TTN: variants seen among roughly 807,000 people sequenced by gnomAD.
The protein encoded by TTN is titin, also known as connectin.
In TTN, 1,525 loss-of-function variants were observed where a neutral mutation model predicts 3,223.0. That is an observed-to-expected ratio of 0.47 (90% confidence interval 0.45 to 0.49). TTN has a LOEUF of 0.49. TTN is among the 20% of genes least tolerant of loss of function. TTN has a pLI of 0.00. For synonymous variants in TTN, 14,094 were observed against 15,161.0 expected, an observed-to-expected ratio of 0.93 and a Z score of 5.17; for missense variants, 40,786 against 43,424.0, an observed-to-expected ratio of 0.94 and a Z score of 5.40.
At position 178,576,331 on chromosome 2, in the gene TTN, A is replaced by G. The variant is rs1255198382; in HGVS notation, c.69801T>C (p.Asp23267=). ...ASLAWGKPHY[D]GGLEITGYVV... ...CATAGCCAGTGATTTCAAGTCCACC[A>G]TCATAATGAGGCTTGCCCCATGCCA... is the stretch of plus-strand genomic sequence containing the variant. The change falls in exon 326 of 363, where the codon GAT becomes GAC. Residue 23267 remains aspartate (D), a synonymous_variant. Transcript: ENST00000589042. This position sits in a 1 kb window ranked among gnomAD's most constrained non-coding sequence, Gnocchi z 4.3. 1 of 1,569,042 alleles carries G rather than the reference A, an allele frequency of 6.4e-7. No individual in the cohort carries two copies. Among genetic ancestry groups the G allele is most frequent in the East Asian group, 2.2e-5 (1 of 44,458 alleles).
chr2:178,788,177 A>G (rs2093307432), intron 13 of TTN, among the ~76,000 whole-genome samples: 2 of 152,070 alleles, frequency 1.3e-5, no homozygotes, highest in Non-Finnish European at 2.9e-5. Flanking sequence ...CCATAGCATC[A>G]GTTTTCATCT....
At chr2:178,778,559 C>G (rs1463210677) in intron 24 of TTN, 1 of 381,134 alleles carries the variant, frequency 2.6e-6, no homozygotes, top group Non-Finnish European at 5.0e-6. Context: ...ATTTCCAAAC[C>G]AATAATAGTC....
chr2:178,615,898 G>A, intron 257 of TTN, 110 bp from the exon 258 acceptor site: 1 of 1,192,872 alleles, frequency 8.4e-7, no homozygotes, highest in Non-Finnish European at 1.1e-6. Flanking sequence ...TGAATGCTAG[G>A]GATTATTCTT....
chr2:178,624,222 A>C (rs2058702501), intron 242 of TTN, among the ~76,000 whole-genome samples: 1 of 152,018 alleles, frequency 6.6e-6, no homozygotes, highest in African/African-American at 2.4e-5. Context: ...CTACTCAGTG[A>C]GAGAAAAGAA....
chr2:178,618,212 G>A lies in TTN; in HGVS notation c.47246C>T (p.Pro15749Leu). Residue 15749 changes from proline (P) to leucine (L), a missense_variant, in exon 252 of 363, where the codon CCT becomes CTT. Pro to Leu is a moderately conservative substitution (Grantham distance 98). Transcript: ENST00000589042. ...ACCATATTTACTCCTTGCTTCTACA[G>A]GATTGTCAGTTTCTACTGGCTCACC... The part of the protein sequence containing the change: ...GTGEPVETDN[P>L]VEARSKYDVP... 1 of 1,612,644 alleles carries A rather than the reference G, an allele frequency of 6.2e-7. No homozygotes were observed. Among genetic ancestry groups the A allele is most frequent in the South Asian group, 1.1e-5 (1 of 91,000 alleles).
chr2:178,620,819 A>G lies in TTN; in HGVS notation c.45791T>C (p.Leu15264Pro). 6.2e-7 allele frequency: 1 copy of G among 1,612,756 alleles called. No individual in the cohort carries two copies. Among genetic ancestry groups the G allele is most frequent in the South Asian group, 1.1e-5 (1 of 91,054 alleles). ...ATCTAAGTGTGCATCTCTAATTCTG[A>G]GGGTGTAGACTAGGTCTTTTTGGAG... ...IILQKDLVYT[L>P]RIRDAHLDDQ... Residue 15264 changes from leucine to proline, a missense_variant, in exon 247 of 363, where the codon CTC becomes CCC. Transcript: ENST00000589042.
chr2:178,579,747 T>C lies in TTN; in HGVS notation c.67450A>G (p.Ile22484Val). Reference protein sequence around the residue: ...KPHSDGGSRIIGYVVDFLTEE... With the variant: ...KPHSDGGSRIVGYVVDFLTEE... ...GTCAGGAAATCAACTACATATCCAA[T>C]AATCCGACTTCCACCATCACTGTGA... The change falls in exon 319 of 363, where the codon ATT (isoleucine) becomes GTT (valine). Residue 22484 changes from isoleucine (I) to valine (V), a missense_variant. Transcript: ENST00000589042. 6.2e-7 allele frequency: 1 copy of C among 1,613,280 alleles called. No individual in the cohort carries two copies.
chr2:178,789,187 T>A (rs2093360930), intron 13 of TTN, among the ~76,000 whole-genome samples, 173 bp downstream of exon 13: 1 of 151,360 alleles, frequency 6.6e-6, no homozygotes, highest in African/African-American at 2.5e-5. Flanking sequence ...CAATAATAAA[T>A]TTTTTTAGTT....
chr2:178,767,684 G>T, intron 40 of TTN, 75 bp downstream of exon 40: 1 of 1,583,672 alleles, frequency 6.3e-7, no homozygotes, highest in South Asian at 1.1e-5. Context: ...AATGTAAAAG[G>T]GAAACATTAA....
intron 243 of TTN, among the ~76,000 whole-genome samples, chr2:178,622,288 T>C (rs1177723191): frequency 6.6e-6 from 1 of 151,934 alleles, no homozygotes; most frequent in Non-Finnish European, 1.5e-5. Flanking sequence ...TTATGCAGAC[T>C]AACTTCTTGG....
rs1379976510 is a variant in TTN, at chr2:178,582,915, GATTCCA to G, written c.65863+19_65863+24del. ...TCCCATTATCCAAAGTAAAATATGG[GATTCCA>G]ATGAAGTTTATTAGTTACCTAACAC... On this transcript the variant is annotated intron_variant, in intron 313 of 362. Transcript: ENST00000589042. The G allele has an allele frequency of 1.4e-6, 2 of 1,461,478 alleles. No homozygotes were observed. The highest frequency in any genetic ancestry group is 1.8e-6 in the Non-Finnish European group (2 of 1,103,338). The allele number at this position is 1,461,478 out of a possible 1,614,324, so 90.5% of individuals were successfully genotyped here. A position where few individuals can be genotyped will look rare whatever the true frequency, so the allele number is the denominator to read the frequency against.
At chr2:178,713,054 T>A in intron 93 of TTN, 31 bp downstream of exon 93, 1 of 1,607,332 alleles carries the variant, frequency 6.2e-7, no homozygotes, top group Non-Finnish European at 8.5e-7. Flanking sequence ...AACTATGAAA[T>A]GCAATTCATT....
In TTN at chr2:178,552,770, T is replaced by C. The variant is rs566245349; in HGVS notation, c.90130A>G (p.Lys30044Glu). 6.2e-7 allele frequency: 1 copy of C among 1,613,920 alleles called. No individual in the cohort carries two copies. The highest frequency in any genetic ancestry group is 1.1e-5 in the South Asian group (1 of 91,080). The change falls in exon 335 of 363, where the codon AAG becomes GAG. Residue 30044 changes from lysine (K) to glutamate (E), a missense_variant. Transcript: ENST00000589042. ...IRDLSMKDST[K>E]TSVILSWTKP... ...GTCCAGCTGAGGATGACAGATGTCT[T>C]TGTTGAGTCTTTCATTGAGAGATCA...
At position 178,600,745 on chromosome 2, in the gene TTN, T is replaced by TC. The variant is rs201052182; in HGVS notation, c.56050+108_56050+109insG. 1,287 of 1,314,226 alleles carry TC rather than the reference T, an allele frequency of 9.8e-4. 27 individuals are homozygous for TC. The East Asian group carries it at 0.022, about 23-fold the overall frequency. 81.4% of individuals were successfully genotyped at this position (1,314,226 alleles called of 1,614,324 possible). The stretch of plus-strand genomic sequence containing the variant: ...TGTGCCCATGTCTACATTCAAGCCA[T>TC]AGTAGCTTCCTAAGGTACAGATATA... On this transcript the variant is annotated intron_variant, in intron 288 of 362. Transcript: ENST00000589042.
rs1393490525 is a variant in TTN at position 178,571,307 on chromosome 2, C to T, written c.74825G>A (p.Gly24942Asp). 7 of 1,613,462 alleles carry T rather than the reference C, an allele frequency of 4.3e-6. No individual in the cohort carries two copies. Among genetic ancestry groups the T allele is most frequent in the Non-Finnish European group, 5.9e-6 (7 of 1,179,612 alleles). Residue 24942 changes from glycine to aspartate, a missense_variant, in exon 326 of 363, where the codon GGC (glycine) becomes GAC (aspartate). By Grantham distance (94) the Gly-to-Asp change is moderately conservative. Transcript: ENST00000589042. ...TCTTTCCTTGCGTTCTAGATGATAG[C>T]CAATGACTCTACTTCCTCCATCACT... ...PISDGGSRVI[G>D]YHLERKERNS...
intron 312 of TTN, 104 bp from the exon 313 acceptor site, chr2:178,583,331 A>C (rs1171626075): frequency 8.8e-7 from 1 of 1,135,172 alleles, no homozygotes; most frequent in Non-Finnish European, 1.2e-6. Flanking sequence ...CAAGAATGGA[A>C]TTTTAGTGTT....
intron 9 of TTN, among the ~76,000 whole-genome samples, chr2:178,792,588 T>A (rs976252185): frequency 2.6e-5 from 4 of 152,250 alleles, no homozygotes; most frequent in Non-Finnish European, 5.9e-5. Flanking sequence ...GATCTTTTTA[T>A]TTTACATGTG....
intron 3 of TTN, among the ~76,000 whole-genome samples, chr2:178,801,039 G>A (rs975107595): frequency 6.6e-6 from 1 of 152,286 alleles, no homozygotes; most frequent in African/African-American, 2.4e-5. Flanking sequence ...ATTAATATGT[G>A]AAAGCCATGT....
At chr2:178,631,675 A>T (rs1171010024) in intron 236 of TTN, among the ~76,000 whole-genome samples, 2 of 152,092 alleles carry the variant, frequency 1.3e-5, no homozygotes, top group Non-Finnish European at 2.9e-5. Flanking sequence ...AGTTTTTCTT[A>T]ATCAATTAAT....
Sources: allele counts gnomAD v4.1 joint callset (sites outside exome capture counted in the v4.1 genomes callset), GRCh38; gene constraint gnomAD v4.1.1; non-coding constraint Gnocchi (gnomAD v3.1); transcripts MANE v1.5; gene names NCBI Gene and HGNC (gene_info 2026-07-23, HGNC 2026-07-21).